The following GLP2R variants were observed in gnomAD, a reference collection of about 807,000 sequenced individuals.
GLP2R encodes the protein glucagon like peptide 2 receptor, also known as glucagon-like peptide 2 receptor.
Under a neutral mutation model 68.2 loss-of-function variants are expected in GLP2R, and 59 were observed. The observed-to-expected ratio is 0.87, with a 90% CI of 0.70 to 1.07. The LOEUF (loss-of-function observed/expected upper bound fraction) is 1.07. Among genes scored for constraint, GLP2R ranks in the 50% least tolerant of loss-of-function variants. The pLI is 0.00. For missense variants in GLP2R, 548 were observed against 677.4 expected, an observed-to-expected ratio of 0.81 and a Z score of 2.12; for synonymous variants, 270 against 265.4, an observed-to-expected ratio of 1.02 and a Z score of -0.17.
chr17:9,888,959 C>T (rs2067266619), intron 12 of GLP2R, among the ~76,000 whole-genome samples: 1 of 152,146 alleles, frequency 6.6e-6, no homozygotes, highest in African/African-American at 2.4e-5. Flanking sequence ...ATTTCTGTCT[C>T]CTCCCATTAT....
intron 1 of GLP2R, among the ~76,000 whole-genome samples, chr17:9,832,047 G>T (rs1157821295): frequency 1.3e-5 from 2 of 152,178 alleles, no homozygotes; most frequent in South Asian, 4.1e-4. Flanking sequence ...TAGGGGCTGT[G>T]TCTCGCTCAT....
intron 11 of GLP2R, among the ~76,000 whole-genome samples, chr17:9,881,931 G>C (rs2067199861): frequency 6.6e-6 from 1 of 151,766 alleles, no homozygotes; most frequent in African/African-American, 2.4e-5. Flanking sequence ...TGTGGGGGCA[G>C]GACTTCTGAG....
chr17:9,830,697 A>G (rs1192125946), intron 1 of GLP2R, among the ~76,000 whole-genome samples: 1 of 152,174 alleles, frequency 6.6e-6, no homozygotes. Context: ...GATATGTAGC[A>G]TTTTCCAGAC....
chr17:9,861,958 T>C, intron 8 of GLP2R, 63 bp from the exon 9 acceptor site: 1 of 1,132,994 alleles, frequency 8.8e-7, no homozygotes. Context: ...AGCATGAGGC[T>C]TTGACTTTCA....
intron 4 of GLP2R, among the ~76,000 whole-genome samples, chr17:9,845,207 C>T (rs937857439): frequency 6.6e-6 from 1 of 152,074 alleles, no homozygotes; most frequent in African/African-American, 2.4e-5. Flanking sequence ...TACAGGTGCA[C>T]ACCACCACAT....
chr17:9,843,044 G>A (rs7210206), intron 4 of GLP2R, among the ~76,000 whole-genome samples: 36,242 of 110,866 alleles, frequency 0.33, 6,106 homozygotes, highest in Non-Finnish European at 0.42. Flanking sequence ...CCCCCACTTC[G>A]ACTCCTTTAT....
intron 4 of GLP2R, among the ~76,000 whole-genome samples, chr17:9,845,616 C>A (rs1313767499): frequency 6.6e-6 from 1 of 152,150 alleles, no homozygotes; most frequent in African/African-American, 2.4e-5. Flanking sequence ...ACAAACACTT[C>A]TCTCCCTCCC....
chr17:9,860,869 G>A (rs2066981389), intron 7 of GLP2R, among the ~76,000 whole-genome samples: 1 of 152,200 alleles, frequency 6.6e-6, no homozygotes, highest in Non-Finnish European at 1.5e-5. Flanking sequence ...AGTAATTCAG[G>A]AGATTCGGGT....
intron 9 of GLP2R, chr17:9,866,655 C>T (rs1440398894): frequency 6.6e-6 from 1 of 152,226 alleles, no homozygotes; most frequent in Non-Finnish European, 1.5e-5. Flanking sequence ...CTTCCTTTAG[C>T]ATTCATTGAG....
chr17:9,853,997 C>G (rs910480890), intron 4 of GLP2R, among the ~76,000 whole-genome samples: 1 of 152,190 alleles, frequency 6.6e-6, no homozygotes, highest in African/African-American at 2.4e-5. Context: ...CACAATCAGG[C>G]GACCTGGGAC....
chr17:9,860,769 T>C (rs954345149), intron 7 of GLP2R, among the ~76,000 whole-genome samples: 2 of 152,196 alleles, frequency 1.3e-5, no homozygotes, highest in Non-Finnish European at 2.9e-5. Context: ...TAAAAAAATA[T>C]GACCAAGAGT....
At chr17:9,864,250 C>T (rs749773397) in intron 9 of GLP2R, among the ~76,000 whole-genome samples, 40 of 152,162 alleles carry the variant, frequency 2.6e-4, no homozygotes, top group African/African-American at 8.4e-4. Flanking sequence ...ATCGCCTGAG[C>T]GCTTGTTATA....
chr17:9,840,934 T>G (rs2066780290), intron 3 of GLP2R, among the ~76,000 whole-genome samples: 1 of 151,708 alleles, frequency 6.6e-6, no homozygotes. Context: ...GGGCCAGATC[T>G]TAGGGGGCTT....
chr17:9,861,051 C>T, intron 7 of GLP2R, 88 bp from the exon 8 acceptor site: 1 of 884,802 alleles, frequency 1.1e-6, no homozygotes, highest in Non-Finnish European at 1.9e-6. Context: ...GTTGTAACCA[C>T]CTGTGGTTAG....
intron 11 of GLP2R, among the ~76,000 whole-genome samples, chr17:9,883,220 T>C (rs2067212842): frequency 6.6e-6 from 1 of 152,096 alleles, no homozygotes; most frequent in Non-Finnish European, 1.5e-5. Flanking sequence ...ATAACTGATA[T>C]GAAAATTTTA....
rs137983702 is a variant in GLP2R at position 9,876,597 on chromosome 17, G to A, written c.1146-3781G>A. Among the ~76,000 whole-genome samples, 54 of 152,272 alleles carry A rather than the reference G, an allele frequency of 3.5e-4. No homozygotes were observed. In the East Asian group the frequency reaches 6.9e-3, roughly 20 times the overall value. ...CTCTCACATGAGGGTCTTGTGATCCGCTTCAGGAGAAGGTCAGAAAATCCT... is the reference window on the plus strand; with the variant it reads ...CTCTCACATGAGGGTCTTGTGATCCACTTCAGGAGAAGGTCAGAAAATCCT... On this transcript the variant is annotated intron_variant, in intron 10 of 12. Coordinates refer to ENST00000262441, the MANE Select transcript of GLP2R (RefSeq NM_004246.3).
At chr17:9,865,851 A>G (rs201425057) in intron 9 of GLP2R, 456 of 471,252 alleles carry the variant, frequency 9.7e-4, no homozygotes, top group Non-Finnish European at 1.7e-3. Context: ...GACTAGAGGA[A>G]ACGGGCTTGA....
At chr17:9,889,160 T>A (rs979469136) in intron 12 of GLP2R, among the ~76,000 whole-genome samples, 1 of 152,212 alleles carries the variant, frequency 6.6e-6, no homozygotes, top group Non-Finnish European at 1.5e-5. Context: ...TCTTAAGTTT[T>A]TGTTTCTTTA....
At chr17:9,886,004 G>A (rs2067241012) in intron 11 of GLP2R, among the ~76,000 whole-genome samples, 1 of 152,138 alleles carries the variant, frequency 6.6e-6, no homozygotes, top group Non-Finnish European at 1.5e-5. Context: ...ACACTTAGAG[G>A]GCTTGTGTGT....
Sources: gnomAD v4.1 joint callset for allele counts (sites outside exome capture counted in the v4.1 genomes callset) on GRCh38, gnomAD v4.1.1 for gene constraint, MANE v1.5 for transcripts, NCBI Gene and HGNC (gene_info 2026-07-23, HGNC 2026-07-21) for gene names.